Variants in CDH9 observed in about 807,000 individuals in gnomAD.
CDH9 encodes cadherin 9, also known as cadherin-9.
A neutral mutation model predicts 70.9 loss-of-function variants in CDH9; 28 were observed. The ratio of observed to expected loss-of-function variants is 0.40; its 90% CI spans 0.29 to 0.54. The LOEUF is 0.54. Among genes scored for constraint, CDH9 ranks in the 20% least tolerant of loss-of-function variants. CDH9 has a pLI of 0.59. For missense variants in CDH9, 874 were observed against 984.4 expected, an observed-to-expected ratio of 0.89 and a Z score of 1.50; for synonymous variants, 409 against 343.1, an observed-to-expected ratio of 1.19 and a Z score of -2.12.
intron 7 of CDH9, among the ~76,000 whole-genome samples, chr5:26,896,127 A>G (rs1341324669): frequency 6.6e-6 from 1 of 152,002 alleles, no homozygotes; most frequent in Non-Finnish European, 1.5e-5. Flanking sequence ...AGGTGAAATT[A>G]TAATTGATTA....
At chr5:26,908,957 A>G (rs1462987530) in intron 3 of CDH9, among the ~76,000 whole-genome samples, 1 of 152,140 alleles carries the variant, frequency 6.6e-6, no homozygotes, top group African/African-American at 2.4e-5. Flanking sequence ...AATAAAATTA[A>G]ATAGAAAATG....
At chr5:27,000,412 G>A (rs1742743957) in intron 1 of CDH9, among the ~76,000 whole-genome samples, 1 of 152,100 alleles carries the variant, frequency 6.6e-6, no homozygotes, top group African/African-American at 2.4e-5. Context: ...CGCTGCTGAT[G>A]AGAATGCAAA....
At chr5:27,002,744 T>A (rs1742792799) in intron 1 of CDH9, among the ~76,000 whole-genome samples, 1 of 151,060 alleles carries the variant, frequency 6.6e-6, no homozygotes, top group South Asian at 2.1e-4. Flanking sequence ...CACAGGAAGG[T>A]GAACATCACA....
At chr5:26,946,019 T>C (rs1741746490) in intron 2 of CDH9, among the ~76,000 whole-genome samples, 1 of 152,134 alleles carries the variant, frequency 6.6e-6, no homozygotes, top group Non-Finnish European at 1.5e-5. Flanking sequence ...TAACAGGAGA[T>C]TCATGGCTTA....
At chr5:26,972,084 A>G (rs1480778876) in intron 2 of CDH9, among the ~76,000 whole-genome samples, 2 of 152,198 alleles carry the variant, frequency 1.3e-5, no homozygotes, top group Non-Finnish European at 2.9e-5. Context: ...CATTTTCCCT[A>G]TGCAAGAGTC....
At position 26,994,535 on chromosome 5, in the gene CDH9, T is replaced by TTTTG. The variant is rs146801465; in HGVS notation, c.-49-6157_-49-6154dup. ...CCTGTTTTTTTTGTTTCGTTTTGTT[T>TTTTG]TTTGTTTGTTTGTTTGTTTGTTTGT... On this transcript the variant is annotated intron_variant, in intron 1 of 11. Transcript: ENST00000231021. Among the ~76,000 whole-genome samples the TTTTG allele has an allele frequency of 4.6e-3, 696 of 151,764 alleles. 1 individual carries two copies. Among genetic ancestry groups the TTTTG allele is most frequent in the Admixed American group, 0.011 (175 of 15,224 alleles).
intron 1 of CDH9, among the ~76,000 whole-genome samples, chr5:26,992,707 G>T (rs1002180218): frequency 6.6e-6 from 1 of 152,118 alleles, no homozygotes; most frequent in Non-Finnish European, 1.5e-5. Context: ...GCTAGGAAAA[G>T]GACTGCATTG....
intron 3 of CDH9, among the ~76,000 whole-genome samples, chr5:26,913,304 T>G (rs1741085691): frequency 6.6e-6 from 1 of 152,134 alleles, no homozygotes; most frequent in Non-Finnish European, 1.5e-5. Context: ...ACATTTATAT[T>G]TAGGTAATGG....
intron 9 of CDH9, among the ~76,000 whole-genome samples, chr5:26,889,508 T>G (rs1393578820): frequency 6.6e-6 from 1 of 152,140 alleles, no homozygotes; most frequent in Non-Finnish European, 1.5e-5. Context: ...ATGATATATT[T>G]TCATTCTATT....
At chr5:26,930,455 A>C (rs2112023213) in intron 2 of CDH9, among the ~76,000 whole-genome samples, 1 of 152,202 alleles carries the variant, frequency 6.6e-6, no homozygotes, top group South Asian at 2.1e-4. Context: ...GGCCCTTCAT[A>C]TATTTGGGTT....
At chr5:26,886,249 A>G (rs1328721045) in intron 9 of CDH9, among the ~76,000 whole-genome samples, 166 bp from the exon 10 acceptor site, 5 of 152,196 alleles carry the variant, frequency 3.3e-5, no homozygotes, top group African/African-American at 1.2e-4. Flanking sequence ...CTTATTTTTT[A>G]CAGTTTTGTC....
At chr5:26,933,460 T>A (rs796080767) in intron 2 of CDH9, among the ~76,000 whole-genome samples, 2 of 151,304 alleles carry the variant, frequency 1.3e-5, no homozygotes, top group Non-Finnish European at 2.9e-5. Context: ...ATAAAATGGA[T>A]AAAACTCTAG....
intron 1 of CDH9, among the ~76,000 whole-genome samples, chr5:27,031,649 T>G (rs1379985970): frequency 6.6e-6 from 1 of 151,970 alleles, no homozygotes; most frequent in Admixed American, 6.6e-5. Flanking sequence ...AGGGTTGCAG[T>G]GATCCCAAAG....
intron 1 of CDH9, among the ~76,000 whole-genome samples, chr5:27,011,125 C>T (rs563210860): frequency 6.6e-6 from 1 of 151,998 alleles, no homozygotes; most frequent in African/African-American, 2.4e-5. Context: ...GCAATCAAGA[C>T]TATTATCTCT....
chr5:26,945,110 A>C (rs1249027887), intron 2 of CDH9, among the ~76,000 whole-genome samples: 1 of 149,684 alleles, frequency 6.7e-6, no homozygotes, highest in African/African-American at 2.5e-5. Context: ...TTACATTTTT[A>C]CTTTTTTTTT....
At chr5:26,930,329 A>G (rs1473428868) in intron 2 of CDH9, among the ~76,000 whole-genome samples, 3 of 152,106 alleles carry the variant, frequency 2.0e-5, no homozygotes, top group African/African-American at 7.2e-5. Flanking sequence ...TTTAATGTAT[A>G]TAAAATTGTC....
At chr5:27,022,379 A>G (rs1166259144) in intron 1 of CDH9, among the ~76,000 whole-genome samples, 1 of 152,072 alleles carries the variant, frequency 6.6e-6, no homozygotes, top group East Asian at 1.9e-4. Flanking sequence ...GTCTTCTTCA[A>G]AGGATTGAAC....
At chr5:26,918,373 A>G (rs893275109) in intron 2 of CDH9, among the ~76,000 whole-genome samples, 1 of 152,208 alleles carries the variant, frequency 6.6e-6, no homozygotes, top group Admixed American at 6.5e-5. Context: ...TTCATTCCCT[A>G]TCATGATATT....
chr5:27,032,202 C>T (rs1224915908), intron 1 of CDH9, among the ~76,000 whole-genome samples: 1 of 151,344 alleles, frequency 6.6e-6, no homozygotes, highest in East Asian at 2.0e-4. Context: ...TTGATATTCA[C>T]CATTTGTATT....
Sources: allele counts gnomAD v4.1 joint callset (sites outside exome capture counted in the v4.1 genomes callset), GRCh38; gene constraint gnomAD v4.1.1; transcripts MANE v1.5; gene names NCBI Gene and HGNC (gene_info 2026-07-23, HGNC 2026-07-21).